Variants in GALNT18 observed in about 807,000 individuals in gnomAD.
GALNT18 encodes the protein polypeptide N-acetylgalactosaminyltransferase 18, also known as GalNAc-transferase 18.
A neutral mutation model predicts 69.5 loss-of-function variants in GALNT18; 44 were observed. The ratio of observed to expected loss-of-function variants is 0.63; its 90% CI spans 0.50 to 0.81. GALNT18 has a LOEUF of 0.81. GALNT18 is among the 40% of genes least tolerant of loss of function. GALNT18 has a pLI of 0.00. For missense variants in GALNT18, 715 were observed against 810.0 expected (o/e 0.88, Z 1.42); for synonymous variants, 364 against 318.2 (o/e 1.14, Z -1.53).
chr11:11,552,642 GT>G (rs1423792780), intron 1 of GALNT18, among the ~76,000 whole-genome samples: 2 of 152,110 alleles, frequency 1.3e-5, no homozygotes, highest in African/African-American at 4.8e-5. Context: ...TAGAGCCCTT[GT>G]AAGGGCTCAA....
intron 6 of GALNT18, among the ~76,000 whole-genome samples, chr11:11,370,621 G>A (rs1299019392): frequency 6.6e-6 from 1 of 151,008 alleles, no homozygotes; most frequent in African/African-American, 2.4e-5. Context: ...ATTGCCAACT[G>A]TATTTCAAAC....
intron 1 of GALNT18, among the ~76,000 whole-genome samples, chr11:11,506,643 G>T (rs1857074438): frequency 6.6e-6 from 1 of 152,162 alleles, no homozygotes; most frequent in South Asian, 2.1e-4. Context: ...TTTGTCTTAG[G>T]TTAATTTTAA....
At chr11:11,308,466 C>A (rs1849615631) in intron 9 of GALNT18, among the ~76,000 whole-genome samples, 1 of 152,138 alleles carries the variant, frequency 6.6e-6, no homozygotes, top group African/African-American at 2.4e-5. Context: ...TAAGCCTTCT[C>A]TTGAGCCTTC....
rs985582977 is a variant in GALNT18, at chr11:11,617,636, T to A, written c.235+3723A>T. 6.6e-6 allele frequency among the ~76,000 whole-genome samples: 1 copy of A among 152,256 alleles called. No homozygotes were observed. The highest frequency in any genetic ancestry group is 2.4e-5 in the African/African-American group (1 of 41,474). ...CTGATTTTTAGGGTAGAATGAATTA[T>A]GGGCAATTTTATGCATTTTTAAATA... is the stretch of plus-strand genomic sequence containing the variant. On this transcript the variant is annotated intron_variant, in intron 1 of 10. Coordinates refer to ENST00000227756, the MANE Select transcript of GALNT18 (RefSeq NM_198516.3). The surrounding 1 kb of genome is among the most constrained non-coding windows in gnomAD (Gnocchi z 4.7).
chr11:11,292,071 G>A (rs11821734), intron 10 of GALNT18, among the ~76,000 whole-genome samples: 3 of 152,082 alleles, frequency 2.0e-5, no homozygotes, highest in Non-Finnish European at 2.9e-5. Flanking sequence ...CGGGAGGCTG[G>A]AGTCAGGGAC....
At chr11:11,552,893 T>C (rs763402352) in intron 1 of GALNT18, among the ~76,000 whole-genome samples, 1 of 152,074 alleles carries the variant, frequency 6.6e-6, no homozygotes, top group Non-Finnish European at 1.5e-5. Flanking sequence ...ACCCAGCCCC[T>C]GACACCCCAC....
intron 1 of GALNT18, among the ~76,000 whole-genome samples, chr11:11,519,534 A>G (rs11601248): frequency 0.21 from 31,599 of 152,188 alleles, 3,843 homozygotes; most frequent in Non-Finnish European, 0.25. Flanking sequence ...AAGGTGAGGA[A>G]TGGATGTGGA....
chr11:11,490,670 G>A (rs559178167), intron 1 of GALNT18, among the ~76,000 whole-genome samples: 30 of 152,254 alleles, frequency 2.0e-4, no homozygotes, highest in Non-Finnish European at 2.8e-4. Context: ...GGAAATGCAA[G>A]TCTTCCATGG....
chr11:11,445,614 T>C (rs902342435), intron 2 of GALNT18, among the ~76,000 whole-genome samples: 5 of 152,242 alleles, frequency 3.3e-5, no homozygotes, highest in African/African-American at 1.2e-4. Context: ...GGCGTGCGTC[T>C]GGCACGTGAG....
rs1850196030 is a variant in GALNT18, at chr11:11,341,001, A to G, written c.1096T>C (p.Trp366Arg). ...ACCTCCACACTCCCGCCACACTGCC[A>G]CACCTGCAGAAGACATGGAGCCACT... ...GENVELGIRV[W>R]QCGGSVEVLP... The change falls in exon 7 of 11, where the codon TGG becomes CGG. Residue 366 changes from tryptophan to arginine, a missense_variant. By Grantham distance (101) the Trp-to-Arg change is moderately radical (BLOSUM62 -3). Coordinates refer to ENST00000227756, the MANE Select transcript of GALNT18 (RefSeq NM_198516.3). The surrounding 1 kb of genome is among the most constrained non-coding windows in gnomAD (Gnocchi z 6.3). 6.3e-7 allele frequency: 1 copy of G among 1,596,668 alleles called. No homozygotes were observed. Among genetic ancestry groups the G allele is most frequent in the African/African-American group, 1.3e-5 (1 of 74,358 alleles).
rs1406212260 is a variant in GALNT18 at position 11,523,317 on chromosome 11, G to C, written c.236-74381C>G. On this transcript the variant is annotated intron_variant, in intron 1 of 10. Coordinates refer to ENST00000227756, the MANE Select transcript of GALNT18 (RefSeq NM_198516.3). This position sits in a 1 kb window ranked among gnomAD's most constrained non-coding sequence, Gnocchi z 4.3. ...TGAGGCAAATCTTGTCACTCTCACA[G>C]GTGAGGACAATGTCACAGGTGAGGA... 2.0e-5 allele frequency among the ~76,000 whole-genome samples: 3 copies of C among 152,166 alleles called. No individual in the cohort carries two copies. Among genetic ancestry groups the C allele is most frequent in the African/African-American group, 7.2e-5 (3 of 41,436 alleles).
intron 1 of GALNT18, among the ~76,000 whole-genome samples, chr11:11,559,083 G>A (rs1473460030): frequency 6.6e-6 from 1 of 152,196 alleles, no homozygotes; most frequent in African/African-American, 2.4e-5. Flanking sequence ...TTCACAGGCT[G>A]TTAAGAGGGA....
rs1307182174 is a variant in GALNT18 at position 11,600,196 on chromosome 11, T to A, written c.235+21163A>T. Among the ~76,000 whole-genome samples the A allele has an allele frequency of 6.6e-6, 1 of 152,134 alleles. No individual in the cohort carries two copies. Among genetic ancestry groups the A allele is most frequent in the Non-Finnish European group, 1.5e-5 (1 of 67,934 alleles). ...AGAAATATACAAATACGTTGTTTTT[T>A]ATAATGGCTTATATAATTACCTTTA... is the stretch of plus-strand genomic sequence containing the variant. On this transcript the variant is annotated intron_variant, in intron 1 of 10. Transcript: ENST00000227756. The surrounding 1 kb of genome is among the most constrained non-coding windows in gnomAD (Gnocchi z 4.8).
intron 1 of GALNT18, among the ~76,000 whole-genome samples, chr11:11,506,080 C>G (rs149226678): frequency 0.012 from 1,811 of 152,246 alleles, 19 homozygotes; most frequent in Non-Finnish European, 0.019. Flanking sequence ...TCGGGAGCCT[C>G]AGTGATGAAA....
rs1266052723 is a variant in GALNT18 at position 11,590,238 on chromosome 11, G to A, written c.235+31121C>T. On this transcript the variant is annotated intron_variant, in intron 1 of 10. Coordinates refer to ENST00000227756, the MANE Select transcript of GALNT18 (RefSeq NM_198516.3). This position sits in a 1 kb window ranked among gnomAD's most constrained non-coding sequence, Gnocchi z 4.4. ...GTGGTGGAAATTAGGTGCTCCATGCGAGTCCTGGCTCATGGGCACCTCCAT... is the reference window on the plus strand; with the variant it reads ...GTGGTGGAAATTAGGTGCTCCATGCAAGTCCTGGCTCATGGGCACCTCCAT... Among the ~76,000 whole-genome samples, 3 of 152,182 alleles carry A rather than the reference G, an allele frequency of 2.0e-5. No individual in the cohort carries two copies. Among genetic ancestry groups the A allele is most frequent in the East Asian group, 1.9e-4 (1 of 5,182 alleles).
intron 3 of GALNT18, 53 bp from the exon 4 acceptor site, chr11:11,379,317 G>A: frequency 2.0e-6 from 3 of 1,531,616 alleles, no homozygotes; most frequent in South Asian, 1.2e-5. Context: ...GGAGGCAGAG[G>A]GGGCAATCAC....
intron 1 of GALNT18, among the ~76,000 whole-genome samples, chr11:11,551,379 G>C (rs959319096): frequency 6.6e-6 from 1 of 152,098 alleles, no homozygotes; most frequent in East Asian, 1.9e-4. Context: ...CTTAGCCTGC[G>C]CTCTTCAAAC....
intron 3 of GALNT18, among the ~76,000 whole-genome samples, chr11:11,397,176 A>G (rs769925133): frequency 6.6e-6 from 1 of 151,986 alleles, no homozygotes; most frequent in Non-Finnish European, 1.5e-5. Flanking sequence ...GGGCTTATCA[A>G]CTCCTATCAC....
rs142214488 is a variant in GALNT18 at position 11,617,526 on chromosome 11, A to T, written c.235+3833T>A. ...AGAAAGTGAACAAAGCAGAATATAAAATTACATGTAAATCATGACTACACC... is the reference window on the plus strand; with the variant it reads ...AGAAAGTGAACAAAGCAGAATATAATATTACATGTAAATCATGACTACACC... On this transcript the variant is annotated intron_variant, in intron 1 of 10. Coordinates refer to ENST00000227756, the MANE Select transcript of GALNT18 (RefSeq NM_198516.3). This position sits in a 1 kb window ranked among gnomAD's most constrained non-coding sequence, Gnocchi z 4.7. Among the ~76,000 whole-genome samples, 232 of 152,340 alleles carry T rather than the reference A, an allele frequency of 1.5e-3. 1 individual carries two copies. The highest frequency in any genetic ancestry group is 5.4e-3 in the African/African-American group (225 of 41,576).
Sources: gnomAD v4.1 joint callset for allele counts (sites outside exome capture counted in the v4.1 genomes callset) on GRCh38, gnomAD v4.1.1 for gene constraint, Gnocchi (gnomAD v3.1) non-coding constraint, MANE v1.5 for transcripts, NCBI Gene and HGNC (gene_info 2026-07-23, HGNC 2026-07-21) for gene names.